CDH18: variants seen among roughly 807,000 people sequenced by gnomAD.
CDH18 encodes the protein cadherin-18.
Under a neutral mutation model 67.9 loss-of-function variants are expected in CDH18, and 31 were observed. The ratio of observed to expected loss-of-function variants is 0.46; its 90% confidence interval spans 0.34 to 0.62. CDH18 has a LOEUF of 0.62. Ranked by LOEUF, CDH18 falls within the 20% of genes least tolerant of loss-of-function variation. CDH18 has a pLI of 0.01. For missense variants in CDH18, 890 were observed against 975.5 expected (o/e 0.91, Z 1.17); for synonymous variants, 362 against 347.2 (o/e 1.04, Z -0.48).
At chr5:19,754,844 T>C (rs1288567157) in intron 3 of CDH18, among the ~76,000 whole-genome samples, 3 of 152,046 alleles carry the variant, frequency 2.0e-5, no homozygotes, top group Non-Finnish European at 4.4e-5. Flanking sequence ...AAACTGGAAA[T>C]CAACTTCAAA....
At chr5:20,248,139 C>T (rs967549034) in intron 2 of CDH18, among the ~76,000 whole-genome samples, 1 of 152,108 alleles carries the variant, frequency 6.6e-6, no homozygotes. Flanking sequence ...TAGAAGGTTA[C>T]TTTTCAAAGA....
intron 1 of CDH18, among the ~76,000 whole-genome samples, chr5:20,520,091 C>A (rs545009636): frequency 6.6e-6 from 1 of 150,752 alleles, no homozygotes; most frequent in African/African-American, 2.4e-5. Context: ...TGAGCCACCA[C>A]GCCCAGCAGC....
At chr5:20,244,193 G>T (rs539126502) in intron 2 of CDH18, among the ~76,000 whole-genome samples, 106 of 152,192 alleles carry the variant, frequency 7.0e-4, no homozygotes, top group Admixed American at 2.7e-3. Context: ...TCCGCTGAAG[G>T]TGGCTGAATT....
chr5:20,565,967 AATCTAGT>A (rs999666742), intron 1 of CDH18, among the ~76,000 whole-genome samples: 1 of 152,078 alleles, frequency 6.6e-6, no homozygotes, highest in African/African-American at 2.4e-5. Context: ...ATTCTCTTAA[AATCTAGT>A]ATCTCACACA....
At chr5:19,578,962 C>G (rs1224590496) in intron 7 of CDH18, among the ~76,000 whole-genome samples, 3 of 151,772 alleles carry the variant, frequency 2.0e-5, no homozygotes, top group Admixed American at 1.3e-4. Flanking sequence ...AACTTTGAGT[C>G]CTTTAATGAG....
At chr5:20,154,910 T>A (rs1178677039) in intron 2 of CDH18, among the ~76,000 whole-genome samples, 2 of 152,192 alleles carry the variant, frequency 1.3e-5, no homozygotes, top group Non-Finnish European at 2.9e-5. Flanking sequence ...CTTGCTCTTC[T>A]GCAAACTTGA....
chr5:19,855,271 T>A (rs996334257), intron 2 of CDH18, among the ~76,000 whole-genome samples: 2 of 152,032 alleles, frequency 1.3e-5, no homozygotes, highest in African/African-American at 4.8e-5. Flanking sequence ...GTACCAATGA[T>A]TCACAGACTT....
At chr5:19,564,809 C>T (rs1740070894) in intron 8 of CDH18, among the ~76,000 whole-genome samples, 1 of 152,054 alleles carries the variant, frequency 6.6e-6, no homozygotes, top group Non-Finnish European at 1.5e-5. Context: ...TCTAAACCTG[C>T]CCTGGGCTAG....
At chr5:20,213,424 T>C (rs1037356103) in intron 2 of CDH18, among the ~76,000 whole-genome samples, 3 of 152,060 alleles carry the variant, frequency 2.0e-5, no homozygotes, top group African/African-American at 7.2e-5. Flanking sequence ...TCCCTTTTAG[T>C]CGAATTTTTG....
chr5:20,294,364 T>C (rs1747328558), intron 1 of CDH18, among the ~76,000 whole-genome samples: 1 of 152,208 alleles, frequency 6.6e-6, no homozygotes, highest in Non-Finnish European at 1.5e-5. Flanking sequence ...AAAGCAATAA[T>C]GTCTATCAAC....
chr5:19,879,915 A>G (rs992765481), intron 2 of CDH18, among the ~76,000 whole-genome samples: 5 of 151,992 alleles, frequency 3.3e-5, no homozygotes, highest in African/African-American at 1.2e-4. Flanking sequence ...TTTAAAGGTG[A>G]CTTAATGAAT....
chr5:19,841,397 T>A (rs539526669), intron 2 of CDH18, among the ~76,000 whole-genome samples: 2 of 152,192 alleles, frequency 1.3e-5, no homozygotes, highest in East Asian at 3.9e-4. Context: ...CTTACTATAT[T>A]AATTTATGTG....
intron 5 of CDH18, among the ~76,000 whole-genome samples, chr5:19,639,878 G>T (rs1753769699): frequency 6.6e-6 from 1 of 152,188 alleles, no homozygotes; most frequent in African/African-American, 2.4e-5. Context: ...CAAGAGAAAA[G>T]CAATTCATCA....
At chr5:20,512,600 C>G (rs2471141) in intron 1 of CDH18, among the ~76,000 whole-genome samples, 60,477 of 151,940 alleles carry the variant, frequency 0.4, 13,474 homozygotes, top group East Asian at 0.56. Context: ...CTTGACTCAG[C>G]TGGCTGAGTG....
Position 19,571,657 on chromosome 5 carries a change from A to G in CDH18, c.1175T>C (p.Val392Ala), listed in dbSNP as rs1026688246. ...LFSMPSYLME[V>A]YENAKIGTVV... The stretch of plus-strand genomic sequence containing the variant: ...GGTCCCAATCTTGGCATTTTCGTAG[A>G]CTTCCATGAGGTAGGAAGGCATGGA... Residue 392 changes from valine to alanine, a missense_variant, in exon 8 of 13, where the codon GTC (valine) becomes GCC (alanine). Transcript: ENST00000382275. The G allele has an allele frequency of 6.2e-7, 1 of 1,613,778 alleles. No individual in the cohort carries two copies. Among genetic ancestry groups the G allele is most frequent in the South Asian group, 1.1e-5 (1 of 91,060 alleles).
At chr5:19,990,017 G>T (rs1049212143), upstream of CDH18, among the ~76,000 whole-genome samples, 3 of 152,272 alleles carry the variant, frequency 2.0e-5, no homozygotes, top group East Asian at 5.8e-4. Context: ...TCTTTATTAT[G>T]CAGCTACTGT....
intron 2 of CDH18, among the ~76,000 whole-genome samples, chr5:19,960,050 G>T (rs1796637532): frequency 6.6e-6 from 1 of 152,082 alleles, no homozygotes; most frequent in Non-Finnish European, 1.5e-5. Flanking sequence ...AGTGAGTGAT[G>T]AGTAAATGTG....
At chr5:20,508,930 GT>G in intron 1 of CDH18, among the ~76,000 whole-genome samples, 1 of 152,136 alleles carries the variant, frequency 6.6e-6, no homozygotes, top group Middle Eastern at 3.4e-3. Flanking sequence ...TCTAGTGGCT[GT>G]AATTGTTTTG....
chr5:20,092,990 A>G (rs147178125), intron 2 of CDH18, among the ~76,000 whole-genome samples: 2,144 of 152,264 alleles, frequency 0.014, 45 homozygotes, highest in African/African-American at 0.046. Flanking sequence ...ACTGTTTTAA[A>G]TATGTACTTT....
Sources: allele counts gnomAD v4.1 joint callset (sites outside exome capture counted in the v4.1 genomes callset), GRCh38; gene constraint gnomAD v4.1.1; transcripts MANE v1.5; gene names NCBI Gene and HGNC (gene_info 2026-07-23, HGNC 2026-07-21).